Variants in BLK observed in about 807,000 individuals in gnomAD.
BLK encodes tyrosine-protein kinase Blk.
Under a neutral mutation model 61.8 loss-of-function variants are expected in BLK, and 64 were observed. The ratio of observed to expected loss-of-function variants is 1.03; its 90% CI spans 0.85 to 1.27. The LOEUF is 1.27. Ranked by LOEUF, BLK falls within the 50% of genes most tolerant of loss-of-function variation. BLK has a pLI of 0.00. For missense variants in BLK, 853 were observed against 660.5 expected (o/e 1.29, Z -3.19); for synonymous variants, 351 against 272.0 (o/e 1.29, Z -2.86).
rs138735650 is a variant in BLK, at chr8:11,506,291, C to T, written c.-2+11700C>T. ...GACAATGCCAGGGCTTTTTGCCTTC[C>T]CAAGGTCACAGCCTGAAGACACTCA... On this transcript the variant is annotated intron_variant, in intron 1 of 12. Transcript: ENST00000259089. Among the ~76,000 whole-genome samples the T allele has an allele frequency of 2.3e-3, 355 of 152,248 alleles. 3 individuals are homozygous for T. Among genetic ancestry groups the T allele is most frequent in the African/African-American group, 8.0e-3 (333 of 41,528 alleles).
At position 11,522,402 on chromosome 8, in the gene BLK, A is replaced by C. The variant is rs188684232; in HGVS notation, c.-1-20822A>C. ...ATGGGGAAAATGAAAACTCTCAGGT[A>C]TTGCTGGTGGGATGATAAATGGGTT... On this transcript the variant is annotated intron_variant, in intron 1 of 12. Coordinates refer to ENST00000259089, the MANE Select transcript of BLK (RefSeq NM_001715.3). Among the ~76,000 whole-genome samples the C allele has an allele frequency of 2.7e-3, 418 of 152,302 alleles. 4 individuals carry two copies. The highest frequency in any genetic ancestry group is 9.5e-3 in the African/African-American group (397 of 41,572).
At chr8:11,497,475 C>A (rs2117228318) in intron 1 of BLK, among the ~76,000 whole-genome samples, 1 of 152,312 alleles carries the variant, frequency 6.6e-6, no homozygotes, top group East Asian at 1.9e-4. Context: ...CCCCAGCAAC[C>A]ACCAGCACAC....
chr8:11,530,906 A>T (rs76620204), intron 1 of BLK, among the ~76,000 whole-genome samples: 1,995 of 152,364 alleles, frequency 0.013, 38 homozygotes, highest in African/African-American at 0.046. Flanking sequence ...TCTGGGTCAC[A>T]GGTTAAGAAG....
At chr8:11,557,914 G>C in intron 9 of BLK, 48 bp from the exon 10 acceptor site, 1 of 1,578,028 alleles carries the variant, frequency 6.3e-7, no homozygotes, top group East Asian at 2.2e-5. Context: ...GGCACCACCA[G>C]GGGCGGGTCA....
intron 1 of BLK, among the ~76,000 whole-genome samples, chr8:11,535,832 T>G (rs1206913112): frequency 6.6e-6 from 1 of 152,132 alleles, no homozygotes; most frequent in Non-Finnish European, 1.5e-5. Context: ...CCTACAGAGG[T>G]AACTCTATGT....
chr8:11,538,600 ACAGGTGTTTGC>A (rs1199356282), intron 1 of BLK, among the ~76,000 whole-genome samples: 1 of 152,258 alleles, frequency 6.6e-6, no homozygotes, highest in Admixed American at 6.5e-5. Context: ...CTCAGTGGAC[ACAGGTGTTTGC>A]CAGGAAGCTT....
rs73663163 is a variant in BLK at position 11,550,181 on chromosome 8, C to G, written c.391C>G (p.Arg131Gly). The part of the protein sequence containing the change: ...MERWFFRSQG[R>G]KEAERQLLAP... The stretch of plus-strand genomic sequence containing the variant: ...CAGGTGGTTCTTTAGATCACAGGGT[C>G]GGAAGGAGGCTGAGAGGCAGCTTCT... The change falls in exon 6 of 13, where the codon CGG (arginine) becomes GGG (glycine). Residue 131 changes from arginine to glycine, a missense_variant. Physicochemically the swap from Arg to Gly is moderately radical, Grantham distance 125. Coordinates refer to ENST00000259089, the MANE Select transcript of BLK (RefSeq NM_001715.3). 1.2e-6 allele frequency: 2 copies of G among 1,614,082 alleles called. No individual in the cohort carries two copies. Among genetic ancestry groups the G allele is most frequent in the Non-Finnish European group, 1.7e-6 (2 of 1,179,996 alleles).
intron 1 of BLK, among the ~76,000 whole-genome samples, chr8:11,503,089 C>CA (rs1798629957): frequency 6.6e-6 from 1 of 152,168 alleles, no homozygotes. Flanking sequence ...GATGCTGAGC[C>CA]AGGACCAGAG....
rs533055951 is a variant in BLK at position 11,517,812 on chromosome 8, A to T, written c.-2+23221A>T. ...TGCAGGCCAAGCTCTTGGTCCTGTC[A>T]CAGGGAGAAAGTCTATGCCCCGACA... On this transcript the variant is annotated intron_variant, in intron 1 of 12. Coordinates refer to ENST00000259089, the MANE Select transcript of BLK (RefSeq NM_001715.3). Among the ~76,000 whole-genome samples the T allele has an allele frequency of 4.6e-5, 7 of 152,324 alleles. No homozygotes were observed. In the South Asian group the frequency reaches 1.4e-3, roughly 32 times the overall value.
chr8:11,504,364 GAAGAAAGAAAAGAA>G (rs1435434051), intron 1 of BLK, among the ~76,000 whole-genome samples: 2 of 30,408 alleles, frequency 6.6e-5, no homozygotes, highest in African/African-American at 1.4e-4. Context: ...AGGAAGGAAG[GAAGAAAGAAAAGAA>G]AAGAAAAGAA....
chr8:11,549,204 G>C (rs1800795198), intron 5 of BLK, 82 bp downstream of exon 5: 1 of 1,273,858 alleles, frequency 7.9e-7, no homozygotes. Flanking sequence ...GGCAGGGCCA[G>C]AGTGGGACTG....
At chr8:11,524,666 G>T (rs1248694534) in intron 1 of BLK, among the ~76,000 whole-genome samples, 1 of 152,182 alleles carries the variant, frequency 6.6e-6, no homozygotes, top group Admixed American at 6.5e-5. Flanking sequence ...TGAGGAAAGA[G>T]AAAGGGCATG....
intron 2 of BLK, among the ~76,000 whole-genome samples, chr8:11,543,774 CG>C (rs952543888): frequency 2.0e-5 from 3 of 152,052 alleles, no homozygotes; most frequent in Admixed American, 6.6e-5. Context: ...CCTCACCTCC[CG>C]AGCAGGCTCT....
At chr8:11,542,971 G>A (rs144908940) in intron 1 of BLK, among the ~76,000 whole-genome samples, 1 of 152,296 alleles carries the variant, frequency 6.6e-6, no homozygotes, top group East Asian at 1.9e-4. Flanking sequence ...GGTTTCCAGC[G>A]GTTATCTCCA....
chr8:11,556,893 CAGG>C (rs1801262296), intron 9 of BLK, 56 bp downstream of exon 9: 6 of 1,528,508 alleles, frequency 3.9e-6, no homozygotes, highest in Non-Finnish European at 4.5e-6. Flanking sequence ...CCGGGCTTAG[CAGG>C]AGGAGGAGGG....
chr8:11,544,208 A>G (rs1486067328), intron 2 of BLK, among the ~76,000 whole-genome samples: 1 of 152,132 alleles, frequency 6.6e-6, no homozygotes, highest in South Asian at 2.1e-4. Flanking sequence ...CAGGTGATCC[A>G]CCTGCCTTGG....
Position 11,564,441 on chromosome 8 carries a change from C to A in BLK, c.*333C>A, listed in dbSNP as rs548915601. ...TAAGGCCCCCGTGCTGGGCACCCCC[C>A]GTGCTGGCCGCGTCCCCGCCTCTGC... On this transcript the variant is annotated 3_prime_UTR_variant, in exon 13 of 13. Coordinates refer to ENST00000259089, the MANE Select transcript of BLK (RefSeq NM_001715.3). The A allele has an allele frequency of 3.8e-4, 219 of 570,186 alleles. 2 individuals carry two copies. Among genetic ancestry groups the A allele is most frequent in the African/African-American group, 1.2e-3 (65 of 54,252 alleles). The allele number at this position is 570,186 out of a possible 1,614,324, so 35.3% of individuals were successfully genotyped here.
At chr8:11,501,773 G>A (rs557391329) in intron 1 of BLK, among the ~76,000 whole-genome samples, 2 of 152,216 alleles carry the variant, frequency 1.3e-5, no homozygotes, top group Non-Finnish European at 2.9e-5. Flanking sequence ...ACACTGAAAT[G>A]TTCATTCATG....
chr8:11,554,675 C>T, intron 6 of BLK, 68 bp from the exon 7 acceptor site: 1 of 1,584,868 alleles, frequency 6.3e-7, no homozygotes, highest in Non-Finnish European at 8.6e-7. Flanking sequence ...TAAAATGAGG[C>T]CCAAATCCCA....
Sources: allele counts gnomAD v4.1 joint callset (sites outside exome capture counted in the v4.1 genomes callset), GRCh38; gene constraint gnomAD v4.1.1; transcripts MANE v1.5; gene names NCBI Gene and HGNC (gene_info 2026-07-23, HGNC 2026-07-21).